Variants in OSBPL6 observed in about 807,000 individuals in gnomAD.
OSBPL6 encodes the protein oxysterol-binding protein-related protein 6.
A neutral mutation model predicts 125.8 loss-of-function variants in OSBPL6; 49 were observed. That is an observed-to-expected ratio of 0.39 (90% CI 0.31 to 0.49). The LOEUF (loss-of-function observed/expected upper bound fraction) is 0.49. Ranked by LOEUF, OSBPL6 falls within the 20% of genes least tolerant of loss-of-function variation. OSBPL6 has a pLI of 0.88. For missense variants in OSBPL6, 986 were observed against 1,135.4 expected, an observed-to-expected ratio of 0.87 and a Z score of 1.89; for synonymous variants, 394 against 391.8, an observed-to-expected ratio of 1.01 and a Z score of -0.07.
Position 178,336,307 on chromosome 2 carries a change from CCAAA to C in OSBPL6, c.667_670del (p.Asn223AlafsTer79). On this transcript the variant is annotated frameshift_variant, in exon 9 of 25. Transcript: ENST00000190611. LOFTEE classifies it high-confidence loss of function. The stretch of plus-strand genomic sequence containing the variant: ...TCATCTTTGTTTGCCGTAGATGCAA[CCAAA>C]CAGCTTTCCGTGGCAGTCCCCTTTA... 1 of 1,613,698 alleles carries C rather than the reference CCAAA, an allele frequency of 6.2e-7. No individual in the cohort carries two copies. The highest frequency in any genetic ancestry group is 8.5e-7 in the Non-Finnish European group (1 of 1,179,832).
chr2:178,294,716 A>AT (rs34851252), intron 2 of OSBPL6, among the ~76,000 whole-genome samples: 55,743 of 141,958 alleles, frequency 0.39, 11,258 homozygotes, highest in East Asian at 0.6. Context: ...CACCACAGCT[A>AT]TTTTTTTTTT....
At chr2:178,392,985 G>A (rs1351255768) in intron 23 of OSBPL6, among the ~76,000 whole-genome samples, 1 of 151,698 alleles carries the variant, frequency 6.6e-6, no homozygotes, top group African/African-American at 2.4e-5. Flanking sequence ...AGCAATATTT[G>A]AGTTTTCTAT....
chr2:178,345,802 TG>T (rs1203399150), intron 11 of OSBPL6, among the ~76,000 whole-genome samples: 1 of 152,218 alleles, frequency 6.6e-6, no homozygotes, highest in Non-Finnish European at 1.5e-5. Flanking sequence ...TGCAGAGAAG[TG>T]ATTCTGTCTC....
chr2:178,350,646 A>G (rs1691169856), intron 12 of OSBPL6, among the ~76,000 whole-genome samples: 1 of 152,198 alleles, frequency 6.6e-6, no homozygotes, highest in African/African-American at 2.4e-5. Context: ...CTTACCTGCC[A>G]TTTTACTCCT....
intron 13 of OSBPL6, among the ~76,000 whole-genome samples, chr2:178,365,317 C>G (rs1303905554): frequency 7.9e-5 from 12 of 152,136 alleles, no homozygotes; most frequent in Non-Finnish European, 1.8e-4. Context: ...TCAGACTCAG[C>G]AAATTTTATC....
chr2:178,335,004 G>A (rs1014195179), intron 8 of OSBPL6, among the ~76,000 whole-genome samples: 7 of 152,124 alleles, frequency 4.6e-5, no homozygotes, highest in African/African-American at 1.4e-4. Flanking sequence ...AGATAGTGCC[G>A]AGTTTCTCTG....
intron 2 of OSBPL6, among the ~76,000 whole-genome samples, chr2:178,291,868 T>C (rs895470635): frequency 1.3e-5 from 2 of 151,814 alleles, no homozygotes; most frequent in African/African-American, 4.8e-5. Context: ...GTTAATTCCT[T>C]GAACCTGAAT....
At position 178,364,944 on chromosome 2, in the gene OSBPL6, C is replaced by T. The variant is rs185447673; in HGVS notation, c.1287+3129C>T. On this transcript the variant is annotated intron_variant, in intron 13 of 24. Transcript: ENST00000190611. Reference sequence around the variant, plus strand: ...AAATAATCCCAGCACTTTGGGAGGCCGAGGTGGGTGGATCATGAGGTCAGG... The same window carrying T: ...AAATAATCCCAGCACTTTGGGAGGCTGAGGTGGGTGGATCATGAGGTCAGG... Among the ~76,000 whole-genome samples, 16 of 152,196 alleles carry T rather than the reference C, an allele frequency of 1.1e-4. No homozygotes were observed. The East Asian group carries it at 1.9e-3, about 18-fold the overall frequency.
At chr2:178,207,283 T>G (rs1574481253) in intron 1 of OSBPL6, among the ~76,000 whole-genome samples, 1 of 152,244 alleles carries the variant, frequency 6.6e-6, no homozygotes, top group African/African-American at 2.4e-5. Flanking sequence ...TCAAAATCTC[T>G]GTTTTATTTT....
At chr2:178,230,478 G>A (rs758537496) in intron 1 of OSBPL6, 2 of 152,194 alleles carry the variant, frequency 1.3e-5, no homozygotes, top group South Asian at 2.1e-4. Context: ...AAGACATGAA[G>A]TATGGATGTA....
intron 1 of OSBPL6, among the ~76,000 whole-genome samples, chr2:178,278,461 A>G (rs185771435): frequency 2.1e-4 from 32 of 152,334 alleles, no homozygotes; most frequent in Non-Finnish European, 3.4e-4. Context: ...TAATCAATCA[A>G]TACTTAGTGG....
At chr2:178,221,382 A>G (rs2090333835) in intron 1 of OSBPL6, among the ~76,000 whole-genome samples, 3 of 152,236 alleles carry the variant, frequency 2.0e-5, no homozygotes, top group Non-Finnish European at 2.9e-5. Flanking sequence ...ACTTGAAAGA[A>G]TGCATTGTAA....
At chr2:178,379,336 G>GAGGGAGGGAGGGGAAGGAAGGAAAGGA in intron 15 of OSBPL6, among the ~76,000 whole-genome samples, 1 of 74,110 alleles carries the variant, frequency 1.3e-5, no homozygotes, top group Non-Finnish European at 2.5e-5. Context: ...GAAAGGAAGG[G>GAGGGAGGGAGGGGAAGGAAGGAAAGGA]AGGGAGGGAG....
intron 1 of OSBPL6, among the ~76,000 whole-genome samples, chr2:178,239,219 C>G (rs977821138): frequency 6.6e-6 from 1 of 152,052 alleles, no homozygotes; most frequent in Non-Finnish European, 1.5e-5. Flanking sequence ...GATACACATG[C>G]AATAGAATTA....
intron 17 of OSBPL6, 117 bp from the exon 18 acceptor site, chr2:178,383,922 C>CTG: frequency 8.4e-7 from 1 of 1,186,456 alleles, no homozygotes; most frequent in Non-Finnish European, 1.2e-6. Flanking sequence ...GAAAATGCAA[C>CTG]TGTCATCAAA....
chr2:178,261,250 G>A (rs2092051500), intron 1 of OSBPL6, among the ~76,000 whole-genome samples: 1 of 152,098 alleles, frequency 6.6e-6, no homozygotes, highest in South Asian at 2.1e-4. Flanking sequence ...AAATCAAAAT[G>A]GTGGTTCTTT....
chr2:178,362,215 T>G (rs1692423774), intron 13 of OSBPL6, among the ~76,000 whole-genome samples: 1 of 152,246 alleles, frequency 6.6e-6, no homozygotes, highest in African/African-American at 2.4e-5. Flanking sequence ...TCTTCCACAC[T>G]TAATATTTTT....
rs1696061341 is a variant in OSBPL6, at chr2:178,400,169, C to G, written c.*4610C>G. On this transcript the variant is annotated 3_prime_UTR_variant, in exon 25 of 25. Coordinates refer to ENST00000190611, the MANE Select transcript of OSBPL6 (RefSeq NM_032523.4). The stretch of plus-strand genomic sequence containing the variant: ...ATGCTAGAACTATTACTTCTTTTAT[C>G]TTAGACACCCACTTTCCCTTAATTC... 1 of 152,000 alleles carries G rather than the reference C, an allele frequency of 6.6e-6. No individual in the cohort carries two copies. The highest frequency in any genetic ancestry group is 1.5e-5 in the Non-Finnish European group (1 of 68,010). 9.4% of individuals were successfully genotyped at this position (152,000 alleles called of 1,614,324 possible).
chr2:178,275,171 A>T (rs761402361), intron 1 of OSBPL6, among the ~76,000 whole-genome samples: 2 of 152,230 alleles, frequency 1.3e-5, no homozygotes, highest in Non-Finnish European at 2.9e-5. Flanking sequence ...ATATAGAGTG[A>T]TGTCACTAAC....
Sources: gnomAD v4.1 joint callset for allele counts (sites outside exome capture counted in the v4.1 genomes callset) on GRCh38, gnomAD v4.1.1 for gene constraint, MANE v1.5 for transcripts, NCBI Gene and HGNC (gene_info 2026-07-23, HGNC 2026-07-21) for gene names.